PLBD1: variants seen among roughly 807,000 people sequenced by gnomAD.
PLBD1 encodes the protein lysosomal leucine aminopeptidase.
Under a neutral mutation model 63.0 loss-of-function variants are expected in PLBD1, and 60 were observed. The ratio of observed to expected loss-of-function variants is 0.95; its 90% CI spans 0.77 to 1.18. PLBD1 has a LOEUF of 1.18. PLBD1 is among the 50% of genes most tolerant of loss of function. The pLI is 0.00. For synonymous variants in PLBD1, 262 were observed against 248.0 expected, an observed-to-expected ratio of 1.06 and a Z score of -0.53; for missense variants, 598 against 677.9, an observed-to-expected ratio of 0.88 and a Z score of 1.31.
intron 9 of PLBD1, 35 bp from the exon 10 acceptor site, chr12:14,506,303 G>A (rs1945255652): frequency 1.4e-6 from 2 of 1,460,498 alleles, no homozygotes; most frequent in African/African-American, 1.4e-5. Context: ...AGTGATTATT[G>A]GCTATTTGGA....
chr12:14,566,227 T>C (rs1945780023), intron 1 of PLBD1, among the ~76,000 whole-genome samples: 1 of 152,108 alleles, frequency 6.6e-6, no homozygotes, highest in African/African-American at 2.4e-5. Flanking sequence ...GCCACCTCCA[T>C]AGTTTAGGCA....
At chr12:14,567,412 G>GCGCAGC (rs1196724201) in intron 1 of PLBD1, among the ~76,000 whole-genome samples, 170 bp downstream of exon 1, 1 of 152,210 alleles carries the variant, frequency 6.6e-6, no homozygotes, top group African/African-American at 2.4e-5. Flanking sequence ...TGCCCTCGCT[G>GCGCAGC]CGCAGCCGCA....
chr12:14,522,065 C>T (rs1339160496), intron 6 of PLBD1, among the ~76,000 whole-genome samples: 1 of 152,068 alleles, frequency 6.6e-6, no homozygotes, highest in South Asian at 2.1e-4. Flanking sequence ...CTGAAGACAG[C>T]TCTTTGCTTG....
At chr12:14,563,608 G>A (rs1432164986) in intron 1 of PLBD1, among the ~76,000 whole-genome samples, 1 of 152,118 alleles carries the variant, frequency 6.6e-6, no homozygotes, top group East Asian at 1.9e-4. Context: ...ACTTTTTAGA[G>A]AAAAACAACT....
rs751463731 is a variant in PLBD1 at position 14,540,846 on chromosome 12, C to CA, written c.475dup (p.Trp159LeufsTer40). The CA allele has an allele frequency of 1.9e-6, 3 of 1,611,562 alleles. No homozygotes were observed. The East Asian group carries it at 6.7e-5, about 36-fold the overall frequency. Reference sequence around the variant, plus strand: ...TGCCATCACATAGCCTGTATGTCTCCAAAATGAATCAGTCTTGTATTCTTT... The same window carrying CA: ...TGCCATCACATAGCCTGTATGTCTCCAAAAATGAATCAGTCTTGTATTCTTT... On this transcript the variant is annotated frameshift_variant, in exon 4 of 11. Transcript: ENST00000240617. LOFTEE classifies it high-confidence loss of function.
intron 10 of PLBD1, 25 bp downstream of exon 10, chr12:14,506,137 A>C (rs1272961617): frequency 6.5e-7 from 1 of 1,528,228 alleles, no homozygotes; most frequent in African/African-American, 1.4e-5. Context: ...GTGGGAATTA[A>C]ATTCAAAAGC....
At chr12:14,514,211 C>G (rs1001902335) in intron 6 of PLBD1, among the ~76,000 whole-genome samples, 2 of 152,180 alleles carry the variant, frequency 1.3e-5, no homozygotes, top group Admixed American at 1.3e-4. Flanking sequence ...TAATGGGTCA[C>G]CTCTCTAGAA....
In PLBD1 at chr12:14,503,931, A is replaced by AGAT; in HGVS notation, c.1500_1502dup (p.Ser501dup). ...CACTTATGGCATAGGATGTGTACTG[A>AGAT]GATGCTAGGTAGATATCTGCCACCT... On this transcript the variant is annotated inframe_insertion, in exon 11 of 11. Coordinates refer to ENST00000240617, the MANE Select transcript of PLBD1 (RefSeq NM_024829.6). 1.2e-6 allele frequency: 2 copies of AGAT among 1,610,726 alleles called. No homozygotes were observed. Among genetic ancestry groups the AGAT allele is most frequent in the Non-Finnish European group, 1.7e-6 (2 of 1,178,484 alleles).
At chr12:14,520,525 C>T (rs1275575293) in intron 6 of PLBD1, among the ~76,000 whole-genome samples, 2 of 146,876 alleles carry the variant, frequency 1.4e-5, no homozygotes, top group African/African-American at 5.5e-5. Context: ...AGGTGCCTAA[C>T]ATTCATTTCC....
rs185726609 is a variant in PLBD1, at chr12:14,520,728, C to T, written c.845-9017G>A. ...GCCTTTGCCACTTCGTCTTCCCAGTCAAGGTCGGTATGAAACCAGGAGGCA... is the reference window on the plus strand; with the variant it reads ...GCCTTTGCCACTTCGTCTTCCCAGTTAAGGTCGGTATGAAACCAGGAGGCA... On this transcript the variant is annotated intron_variant, in intron 6 of 10. Transcript: ENST00000240617. 2.9e-3 allele frequency among the ~76,000 whole-genome samples: 449 copies of T among 152,298 alleles called. 5 individuals are homozygous for T. The highest frequency in any genetic ancestry group is 4.5e-3 in the Non-Finnish European group (309 of 68,032).
At chr12:14,537,903 A>G (rs1945532584) in intron 4 of PLBD1, among the ~76,000 whole-genome samples, 1 of 151,590 alleles carries the variant, frequency 6.6e-6, no homozygotes, top group South Asian at 2.1e-4. Context: ...CCTGTTCTCC[A>G]TTTTCTCAGG....
At chr12:14,537,718 A>G (rs1421221578) in intron 4 of PLBD1, among the ~76,000 whole-genome samples, 3 of 152,212 alleles carry the variant, frequency 2.0e-5, no homozygotes, top group Non-Finnish European at 4.4e-5. Flanking sequence ...GGTGGTGGGA[A>G]GACAAACACA....
intron 6 of PLBD1, among the ~76,000 whole-genome samples, chr12:14,520,134 G>C (rs757743884): frequency 6.6e-6 from 1 of 152,210 alleles, no homozygotes; most frequent in Non-Finnish European, 1.5e-5. Context: ...ACTGAGATAG[G>C]TGAGTTTGCT....
Position 14,540,897 on chromosome 12 carries a change from T to G in PLBD1, c.425A>C (p.Gln142Pro). 6.3e-7 allele frequency: 1 copy of G among 1,595,554 alleles called. No individual in the cohort carries two copies. The highest frequency in any genetic ancestry group is 8.6e-7 in the Non-Finnish European group (1 of 1,166,640). ...GATATTTTTCCGGGTCCACTTATCT[T>G]GCTTCCTGGAAGAGAAATTAGATTT... ...MDKVQDFMEK[Q>P]DKWTRKNIKE... Residue 142 changes from glutamine (Q) to proline (P), a missense_variant, in exon 4 of 11, where the codon CAA (glutamine) becomes CCA (proline). Coordinates refer to ENST00000240617, the MANE Select transcript of PLBD1 (RefSeq NM_024829.6).
intron 2 of PLBD1, among the ~76,000 whole-genome samples, chr12:14,544,029 G>C (rs76719597): frequency 1.4e-5 from 2 of 144,846 alleles, no homozygotes; most frequent in African/African-American, 4.9e-5. Flanking sequence ...TATTGCTGAT[G>C]ATCAGCAATA....
At chr12:14,539,145 T>C (rs1480322878) in intron 4 of PLBD1, among the ~76,000 whole-genome samples, 3 of 152,220 alleles carry the variant, frequency 2.0e-5, no homozygotes, top group African/African-American at 7.2e-5. Flanking sequence ...TTTCTTTTGT[T>C]ATACTGTATA....
At chr12:14,537,923 T>G (rs539311099) in intron 4 of PLBD1, among the ~76,000 whole-genome samples, 8 of 152,180 alleles carry the variant, frequency 5.3e-5, no homozygotes, top group Non-Finnish European at 1.0e-4. Flanking sequence ...GTACTACCAT[T>G]TCTAGTTAAT....
intron 2 of PLBD1, among the ~76,000 whole-genome samples, chr12:14,545,468 T>C (rs1170936571): frequency 6.6e-6 from 1 of 152,248 alleles, no homozygotes. Context: ...TGTGTTACTA[T>C]GAGGTTTTCT....
chr12:14,506,355 CTAGATAA>C (rs1818572398), intron 9 of PLBD1, 87 bp from the exon 10 acceptor site: 2 of 945,628 alleles, frequency 2.1e-6, no homozygotes, highest in Non-Finnish European at 3.3e-6. Context: ...CTGTTAAAGC[CTAGATAA>C]TCAGAGAGTG....
Sources: gnomAD v4.1 joint callset for allele counts (sites outside exome capture counted in the v4.1 genomes callset) on GRCh38, gnomAD v4.1.1 for gene constraint, MANE v1.5 for transcripts, NCBI Gene and HGNC (gene_info 2026-07-23, HGNC 2026-07-21) for gene names.